The following SCAPER variants were observed in gnomAD, a reference collection of about 807,000 sequenced individuals.
SCAPER encodes the protein S phase cyclin A-associated protein in the endoplasmic reticulum.
A neutral mutation model predicts 182.2 loss-of-function variants in SCAPER; 98 were observed. The observed-to-expected ratio is 0.54, with a 90% CI of 0.46 to 0.64. The LOEUF (loss-of-function observed/expected upper bound fraction) is 0.64, where lower values mean the gene tolerates loss of function less well. SCAPER is among the 30% of genes least tolerant of loss of function. SCAPER has a pLI of 0.00. For missense variants in SCAPER, 1,432 were observed against 1,690.0 expected (o/e 0.85, Z 2.68); for synonymous variants, 605 against 564.6 (o/e 1.07, Z -1.01).
intron 21 of SCAPER, among the ~76,000 whole-genome samples, chr15:76,631,576 T>C (rs2439984): frequency 0.15 from 23,351 of 152,136 alleles, 2,017 homozygotes; most frequent in African/African-American, 0.24. Context: ...TATGAAATTT[T>C]AGGTTGGATT....
chr15:76,818,419 G>A (rs368486525), intron 5 of SCAPER, among the ~76,000 whole-genome samples: 56 of 152,138 alleles, frequency 3.7e-4, no homozygotes, highest in African/African-American at 1.3e-3. Flanking sequence ...AACACCAAAG[G>A]CACAGTCCAT....
intron 25 of SCAPER, among the ~76,000 whole-genome samples, chr15:76,446,348 C>T (rs982111510): frequency 5.3e-5 from 8 of 152,270 alleles, no homozygotes; most frequent in African/African-American, 1.9e-4. Context: ...TTCCAGGGCA[C>T]TGCAACAAGT....
intron 2 of SCAPER, among the ~76,000 whole-genome samples, chr15:76,876,373 T>C (rs2151938036): frequency 6.8e-6 from 1 of 146,142 alleles, no homozygotes; most frequent in African/African-American, 2.6e-5. Context: ...CGCTGTCACC[T>C]CTCAAGATCA....
intron 22 of SCAPER, among the ~76,000 whole-genome samples, chr15:76,585,169 A>G (rs2048547753): frequency 6.6e-6 from 1 of 152,168 alleles, no homozygotes; most frequent in African/African-American, 2.4e-5. Context: ...AAAAGTCAGG[A>G]TAATATATAT....
chr15:76,886,244 C>T (rs556681910), intron 1 of SCAPER, among the ~76,000 whole-genome samples: 2 of 152,306 alleles, frequency 1.3e-5, no homozygotes, highest in South Asian at 2.1e-4. Context: ...CACTGGGAGG[C>T]CGAGGTGGGC....
chr15:76,846,199 G>A (rs566641121), intron 4 of SCAPER, among the ~76,000 whole-genome samples: 1 of 152,040 alleles, frequency 6.6e-6, no homozygotes, highest in Non-Finnish European at 1.5e-5. Context: ...AAATCAAAAT[G>A]GATCAATGAC....
intron 9 of SCAPER, among the ~76,000 whole-genome samples, chr15:76,773,895 A>G (rs750458838): frequency 5.9e-5 from 9 of 151,940 alleles, no homozygotes; most frequent in Non-Finnish European, 1.2e-4. Flanking sequence ...TTCATTAGTC[A>G]TTTTACATAA....
rs747901203 is a variant in SCAPER at position 76,381,483 on chromosome 15, G to A, written c.3600C>T (p.Ser1200=). The A allele has an allele frequency of 2.5e-6, 4 of 1,613,816 alleles. No individual in the cohort carries two copies. The South Asian group carries it at 4.4e-5, about 18-fold the overall frequency. Residue 1200 remains serine, a synonymous_variant, in exon 28 of 32, where the codon AGC becomes AGT. Transcript: ENST00000563290. ...TGTAATTCTCCTTGGGACTGGCAGT[G>A]CTGGGGTCCAAGATGGTGCCATGGA... ...VLFHGTILDP[S]TASPKENYTQ...
At chr15:76,490,349 T>G (rs2052169478) in intron 24 of SCAPER, among the ~76,000 whole-genome samples, 1 of 152,182 alleles carries the variant, frequency 6.6e-6, no homozygotes, top group Non-Finnish European at 1.5e-5. Flanking sequence ...TGAGGTGCTA[T>G]TTCGTTGTGG....
At chr15:76,822,870 T>C (rs2067688518) in intron 5 of SCAPER, among the ~76,000 whole-genome samples, 1 of 152,224 alleles carries the variant, frequency 6.6e-6, no homozygotes, top group South Asian at 2.1e-4. Context: ...TGTGTATGTA[T>C]TACTACAACA....
At position 76,701,736 on chromosome 15, in the gene SCAPER, A is replaced by G. The variant is rs778321200; in HGVS notation, c.2508+22T>C. 3 of 1,583,492 alleles carry G rather than the reference A, an allele frequency of 1.9e-6. No individual in the cohort carries two copies. In the East Asian group the frequency reaches 6.7e-5, roughly 35 times the overall value. ...ATTGGGTACTCAATAAACAATTGTA[A>G]ATGAACAAAAATAAAGTTTACCACT... On this transcript the variant is annotated intron_variant, in intron 20 of 31. Coordinates refer to ENST00000563290, the MANE Select transcript of SCAPER (RefSeq NM_020843.4).
intron 10 of SCAPER, among the ~76,000 whole-genome samples, 196 bp from the exon 11 acceptor site, chr15:76,767,284 C>A (rs2063174318): frequency 6.6e-6 from 1 of 152,150 alleles, no homozygotes; most frequent in South Asian, 2.1e-4. Flanking sequence ...CAAGAACCTA[C>A]TTGGTATTCC....
chr15:76,598,409 T>C lies in SCAPER; in HGVS notation c.2711+23355A>G, dbSNP rs1326796818. On this transcript the variant is annotated intron_variant, in intron 22 of 31. Coordinates refer to ENST00000563290, the MANE Select transcript of SCAPER (RefSeq NM_020843.4). ...ACAGTGTGGCAATTTCTCAAAGATG[T>C]AGAACTAGAAATGCCATTTGACCCA... is the stretch of plus-strand genomic sequence containing the variant. Among the ~76,000 whole-genome samples the C allele has an allele frequency of 3.3e-5, 4 of 121,290 alleles. 1 individual carries two copies. Among genetic ancestry groups the C allele is most frequent in the African/African-American group, 1.0e-4 (4 of 39,618 alleles). The allele number at this position is 121,290 out of a possible 152,430, so 79.6% of individuals were successfully genotyped here.
At chr15:76,610,367 C>A (rs535485112) in intron 22 of SCAPER, among the ~76,000 whole-genome samples, 18 of 152,242 alleles carry the variant, frequency 1.2e-4, no homozygotes, top group African/African-American at 4.3e-4. Flanking sequence ...AGCTTTCCTC[C>A]AAGATTAGGA....
chr15:76,845,411 A>T (rs2069965913), intron 4 of SCAPER, among the ~76,000 whole-genome samples: 1 of 152,156 alleles, frequency 6.6e-6, no homozygotes, highest in Non-Finnish European at 1.5e-5. Context: ...TTGGAAAGGA[A>T]GAAGTCAAAT....
At chr15:76,808,289 G>C (rs1056970097) in intron 5 of SCAPER, among the ~76,000 whole-genome samples, 13 of 152,270 alleles carry the variant, frequency 8.5e-5, no homozygotes, top group African/African-American at 2.2e-4. Context: ...AAGCCTCAAG[G>C]GGCTTATGGG....
intron 26 of SCAPER, among the ~76,000 whole-genome samples, chr15:76,414,808 C>T (rs895500586): frequency 1.8e-4 from 28 of 152,120 alleles, no homozygotes; most frequent in Non-Finnish European, 3.1e-4. Context: ...TTTAACACTC[C>T]TATTTTGCTA....
At chr15:76,742,529 C>T (rs1435139159) in intron 15 of SCAPER, among the ~76,000 whole-genome samples, 1 of 140,976 alleles carries the variant, frequency 7.1e-6, no homozygotes, top group African/African-American at 2.6e-5. Context: ...GCTAGACATG[C>T]TGCAACTGAA....
intron 23 of SCAPER, among the ~76,000 whole-genome samples, chr15:76,562,667 G>A (rs531557313): frequency 6.6e-6 from 1 of 152,244 alleles, no homozygotes; most frequent in East Asian, 1.9e-4. Flanking sequence ...ATATACTGCT[G>A]GTAGAAATGC....
Sources: allele counts gnomAD v4.1 joint callset (sites outside exome capture counted in the v4.1 genomes callset), GRCh38; gene constraint gnomAD v4.1.1; transcripts MANE v1.5; gene names NCBI Gene and HGNC (gene_info 2026-07-23, HGNC 2026-07-21).